The following ANKFN1 variants were observed in gnomAD, a reference collection of about 807,000 sequenced individuals.
ANKFN1 encodes ankyrin repeat and fibronectin type III domain containing 1.
In ANKFN1, 74 loss-of-function variants were observed where a neutral mutation model predicts 108.7. The ratio of observed to expected loss-of-function variants is 0.68; its 90% CI spans 0.56 to 0.83. The LOEUF (loss-of-function observed/expected upper bound fraction) is 0.83, where lower values mean the gene tolerates loss of function less well. Ranked by LOEUF, ANKFN1 falls within the 40% of genes least tolerant of loss-of-function variation. The pLI is 0.00. For synonymous variants in ANKFN1, 547 were observed against 516.2 expected, an observed-to-expected ratio of 1.06 and a Z score of -0.81; for missense variants, 1,505 against 1,382.3, an observed-to-expected ratio of 1.09 and a Z score of -1.41.
At chr17:56,208,103 G>A (rs1165094726) in intron 1 of ANKFN1, among the ~76,000 whole-genome samples, 14 of 152,084 alleles carry the variant, frequency 9.2e-5, no homozygotes, top group African/African-American at 2.7e-4. Context: ...TCCACCTCCC[G>A]GGCTCAAGCA....
intron 8 of ANKFN1, among the ~76,000 whole-genome samples, chr17:56,403,227 A>G (rs1040142778): frequency 2.0e-5 from 3 of 152,124 alleles, no homozygotes. Flanking sequence ...GTTCCAAGGT[A>G]TAGTTTAAAT....
At chr17:56,418,744 A>G (rs928550980) in intron 8 of ANKFN1, among the ~76,000 whole-genome samples, 4 of 151,974 alleles carry the variant, frequency 2.6e-5, no homozygotes, top group African/African-American at 7.2e-5. Flanking sequence ...CAAAAATGCA[A>G]AACTCCTGAC....
At chr17:56,419,481 C>T (rs1171534586) in intron 8 of ANKFN1, among the ~76,000 whole-genome samples, 1 of 143,760 alleles carries the variant, frequency 7.0e-6, no homozygotes, top group African/African-American at 2.6e-5. Context: ...GAAACTCCAT[C>T]TCAAAAAAAA....
chr17:56,155,683 G>A (rs1387171115), intron 1 of ANKFN1, among the ~76,000 whole-genome samples: 1 of 152,114 alleles, frequency 6.6e-6, no homozygotes, highest in Non-Finnish European at 1.5e-5. Flanking sequence ...ATGTCTTAAG[G>A]CAAAGCAAGG....
At chr17:56,496,587 G>A (rs907267335) in intron 19 of ANKFN1, among the ~76,000 whole-genome samples, 3 of 151,880 alleles carry the variant, frequency 2.0e-5, no homozygotes, top group South Asian at 2.1e-4. Flanking sequence ...CTGTACTCAC[G>A]TTGCCTCCTT....
chr17:56,151,525 T>C (rs1374022510), upstream of ANKFN1, among the ~76,000 whole-genome samples: 1 of 152,192 alleles, frequency 6.6e-6, no homozygotes, highest in Non-Finnish European at 1.5e-5. Flanking sequence ...ATTTCCAGCC[T>C]GTCTACTACT....
intron 8 of ANKFN1, among the ~76,000 whole-genome samples, chr17:56,430,394 G>A (rs1388181034): frequency 6.6e-6 from 1 of 151,998 alleles, no homozygotes; most frequent in Non-Finnish European, 1.5e-5. Flanking sequence ...AAAATGGGGA[G>A]ATGTAAGTCA....
chr17:56,149,286 G>A (rs145820131), upstream of ANKFN1, among the ~76,000 whole-genome samples: 755 of 152,270 alleles, frequency 5.0e-3, 3 homozygotes, highest in African/African-American at 0.014. Flanking sequence ...GCCATGAATA[G>A]TAATAGGAAT....
chr17:56,497,310 C>A (rs957091112), intron 19 of ANKFN1, among the ~76,000 whole-genome samples: 1 of 152,150 alleles, frequency 6.6e-6, no homozygotes, highest in Non-Finnish European at 1.5e-5. Flanking sequence ...TCCTGCCCAA[C>A]TGACCAAGCT....
chr17:56,124,963 G>C (rs1192500421), intron 4 of ANKFN1, among the ~76,000 whole-genome samples: 3 of 152,082 alleles, frequency 2.0e-5, no homozygotes, highest in Non-Finnish European at 4.4e-5. Context: ...TTTTGGTTGG[G>C]GTAATGAATG....
intron 8 of ANKFN1, among the ~76,000 whole-genome samples, chr17:56,408,749 C>A (rs2144978748): frequency 6.6e-6 from 1 of 152,258 alleles, no homozygotes; most frequent in East Asian, 1.9e-4. Flanking sequence ...ACAGAGGCAA[C>A]TAGCTCCTTA....
At chr17:56,381,517 C>A (rs1410751670) in intron 8 of ANKFN1, among the ~76,000 whole-genome samples, 1 of 152,082 alleles carries the variant, frequency 6.6e-6, no homozygotes, top group Non-Finnish European at 1.5e-5. Context: ...AAACCAAAGG[C>A]AAACAAGTTG....
intron 1 of ANKFN1, among the ~76,000 whole-genome samples, chr17:56,172,206 C>T (rs1910750658): frequency 6.6e-6 from 1 of 152,032 alleles, no homozygotes; most frequent in South Asian, 2.1e-4. Context: ...CAAAGTAGAA[C>T]TTGATTTCAA....
intron 4 of ANKFN1, among the ~76,000 whole-genome samples, chr17:56,094,057 C>T (rs1401257511): frequency 1.3e-5 from 2 of 151,144 alleles, no homozygotes; most frequent in Admixed American, 6.6e-5. Flanking sequence ...GGGAGTACAC[C>T]GTATGACCAT....
chr17:56,254,534 G>GCTTTCCT (rs1258654365), intron 3 of ANKFN1, among the ~76,000 whole-genome samples: 2 of 152,178 alleles, frequency 1.3e-5, no homozygotes, highest in Non-Finnish European at 2.9e-5. Context: ...CTCCATATCT[G>GCTTTCCT]CTTTCCTCTG....
intron 3 of ANKFN1, among the ~76,000 whole-genome samples, chr17:56,265,337 C>G (rs980902906): frequency 1.3e-5 from 2 of 152,158 alleles, no homozygotes; most frequent in Non-Finnish European, 2.9e-5. Context: ...CACAAGGTAT[C>G]AGGCGAGAAA....
At chr17:56,066,803 T>A (rs550085810) in intron 4 of ANKFN1, among the ~76,000 whole-genome samples, 2 of 152,332 alleles carry the variant, frequency 1.3e-5, no homozygotes, top group East Asian at 3.9e-4. Context: ...TCTACATGCC[T>A]CATATGAGTG....
chr17:56,336,713 A>C (rs1459593449), intron 4 of ANKFN1, among the ~76,000 whole-genome samples: 1 of 151,900 alleles, frequency 6.6e-6, no homozygotes, highest in African/African-American at 2.4e-5. Context: ...TTGTGTCTCT[A>C]TCTCCTTCAG....
intron 8 of ANKFN1, among the ~76,000 whole-genome samples, chr17:56,425,125 G>GT (rs1377380857): frequency 1.4e-5 from 2 of 140,630 alleles, no homozygotes; most frequent in African/African-American, 2.7e-5. Context: ...ACAGCTCTTA[G>GT]TTAAAAAAAA....
Sources: allele counts gnomAD v4.1 joint callset (sites outside exome capture counted in the v4.1 genomes callset), GRCh38; gene constraint gnomAD v4.1.1; transcripts MANE v1.5; gene names NCBI Gene and HGNC (gene_info 2026-07-23, HGNC 2026-07-21).